The following RNF111 variants were observed in gnomAD, a reference collection of about 807,000 sequenced individuals.
The protein encoded by RNF111 is E3 ubiquitin-protein ligase Arkadia.
A neutral mutation model predicts 95.1 loss-of-function variants in RNF111; 17 were observed. That is an observed-to-expected ratio of 0.18 (90% CI 0.12 to 0.27). The LOEUF (loss-of-function observed/expected upper bound fraction) is 0.27. Among genes scored for constraint, RNF111 ranks in the 10% least tolerant of loss-of-function variants. The pLI is 1.00. For missense variants in RNF111, 1,189 were observed against 1,210.4 expected (o/e 0.98, Z 0.26); for synonymous variants, 440 against 414.8 (o/e 1.06, Z -0.74).
rs143083683 is a variant in RNF111, at chr15:59,031,338, T to C, written c.516T>C (p.Ala172=). Residue 172 remains alanine (A), a synonymous_variant, in exon 2 of 14, where the codon GCT becomes GCC. Coordinates refer to ENST00000348370, the MANE Select transcript of RNF111 (RefSeq NM_017610.8). ...SVRHSQTILN[A]KSRSHSARSH... ...GACATTCCCAGACCATTTTGAATGC[T>C]AAAAGTAGAAGCCATAGTGCACGGT... The C allele has an allele frequency of 4.4e-5, 71 of 1,614,182 alleles. No homozygotes were observed. Among genetic ancestry groups the C allele is most frequent in the Non-Finnish European group, 5.9e-5 (70 of 1,180,004 alleles).
chr15:58,998,936 A>G (rs538068200), intron 1 of RNF111, among the ~76,000 whole-genome samples: 19 of 152,350 alleles, frequency 1.2e-4, no homozygotes. Flanking sequence ...TGGGTGAAAG[A>G]TCTATGTAAA....
Position 59,096,268 on chromosome 15 carries a change from T to C in RNF111, c.*1368T>C, listed in dbSNP as rs1189163742. ...TAGCCTAATTTTATTTGTTTAAATA[T>C]GCTTAATATGCCCCAGATTGCAAAT... On this transcript the variant is annotated 3_prime_UTR_variant, in exon 14 of 14. Transcript: ENST00000348370. The C allele has an allele frequency of 2.6e-6, 1 of 388,478 alleles. No individual in the cohort carries two copies. The highest frequency in any genetic ancestry group is 4.5e-6 in the Non-Finnish European group (1 of 219,940). The allele number at this position is 388,478 out of a possible 1,614,324, so 24.1% of individuals were successfully genotyped here. A position where few individuals can be genotyped will look rare whatever the true frequency, so the allele number is the denominator to read the frequency against.
In RNF111 at chr15:59,096,842, G is replaced by T. The variant is rs1028589626; in HGVS notation, c.*1942G>T. 2 of 152,238 alleles carry T rather than the reference G, an allele frequency of 1.3e-5. No homozygotes were observed. The highest frequency in any genetic ancestry group is 4.8e-5 in the African/African-American group (2 of 41,454). 9.4% of individuals were successfully genotyped at this position (152,238 alleles called of 1,614,324 possible). ...GGGTCTGTGCCAAGGGACTGAAGAAGTGTAAGATGGGGAGAACTGTATGTC... is the reference window on the plus strand; with the variant it reads ...GGGTCTGTGCCAAGGGACTGAAGAATTGTAAGATGGGGAGAACTGTATGTC... On this transcript the variant is annotated 3_prime_UTR_variant, in exon 14 of 14. Transcript: ENST00000348370.
At position 59,006,974 on chromosome 15, in the gene RNF111, A is replaced by G. The variant is rs557690109; in HGVS notation, c.-20+18906A>G. Among the ~76,000 whole-genome samples the G allele has an allele frequency of 7.9e-5, 12 of 152,098 alleles. No individual in the cohort carries two copies. The East Asian group carries it at 2.3e-3, about 29-fold the overall frequency. On this transcript the variant is annotated intron_variant, in intron 1 of 13. Coordinates refer to ENST00000348370, the MANE Select transcript of RNF111 (RefSeq NM_017610.8). ...CTAATTTTTTTGTATTTTTAGTAGA[A>G]ATGGGGTTTCACCATCTTGGCCAGG...
chr15:59,079,733 T>C (rs2078681039), intron 7 of RNF111, among the ~76,000 whole-genome samples: 1 of 152,126 alleles, frequency 6.6e-6, no homozygotes. Context: ...GAGAGATTTT[T>C]CAGCAGTCAC....
chr15:59,018,864 C>A (rs1323396883), intron 1 of RNF111, among the ~76,000 whole-genome samples: 12 of 151,936 alleles, frequency 7.9e-5, no homozygotes, highest in Non-Finnish European at 1.6e-4. Flanking sequence ...AGTTTGAGTT[C>A]AGCTTTTCCC....
intron 1 of RNF111, among the ~76,000 whole-genome samples, chr15:58,993,399 G>T (rs1338352743): frequency 1.3e-5 from 2 of 150,606 alleles, no homozygotes; most frequent in East Asian, 2.0e-4. Flanking sequence ...TTAGCTGGGC[G>T]TGGTGGTGGG....
chr15:59,061,642 T>A (rs76631170), intron 5 of RNF111, among the ~76,000 whole-genome samples: 4,989 of 152,268 alleles, frequency 0.033, 125 homozygotes, highest in African/African-American at 0.073. Flanking sequence ...GTCTCCTAAC[T>A]CCTTCCTTTC....
At position 59,058,386 on chromosome 15, in the gene RNF111, G is replaced by C. The variant is rs1299948396; in HGVS notation, c.1202G>C (p.Arg401Thr). 6 of 1,613,960 alleles carry C rather than the reference G, an allele frequency of 3.7e-6. No homozygotes were observed. Among genetic ancestry groups the C allele is most frequent in the Non-Finnish European group, 3.4e-6 (4 of 1,179,980 alleles). The stretch of plus-strand genomic sequence containing the variant: ...ACTGTAGTACCAACCACTTCTGCAA[G>C]AATGGAATCACAAGCTACTAGCGCT... ...EPTVVPTTSA[R>T]MESQATSASI... Residue 401 changes from arginine to threonine, a missense_variant, in exon 5 of 14, where the codon AGA becomes ACA. Arg to Thr is a moderately conservative substitution (Grantham distance 71). Transcript: ENST00000348370.
intron 1 of RNF111, among the ~76,000 whole-genome samples, chr15:58,991,298 A>C (rs534331220): frequency 2.0e-5 from 3 of 152,258 alleles, no homozygotes; most frequent in Non-Finnish European, 2.9e-5. Flanking sequence ...TTGAAAAAAA[A>C]CAAAACAACA....
intron 1 of RNF111, among the ~76,000 whole-genome samples, chr15:59,016,787 G>T (rs1567213488): frequency 6.6e-6 from 1 of 152,174 alleles, no homozygotes; most frequent in Non-Finnish European, 1.5e-5. Context: ...CAGTAGGTGA[G>T]TGGTGGATGA....
At position 59,088,913 on chromosome 15, in the gene RNF111, T is replaced by A. The variant is rs74017352; in HGVS notation, c.2551-754T>A. On this transcript the variant is annotated intron_variant, in intron 10 of 13. Coordinates refer to ENST00000348370, the MANE Select transcript of RNF111 (RefSeq NM_017610.8). ...AACACTAGACAGCACTTCAGCTCTATGCTTGGGTGCCATTTTAAACAACAC... is the reference window on the plus strand; with the variant it reads ...AACACTAGACAGCACTTCAGCTCTAAGCTTGGGTGCCATTTTAAACAACAC... 7.0e-3 allele frequency among the ~76,000 whole-genome samples: 1,061 copies of A among 152,294 alleles called. 11 individuals carry two copies. The highest frequency in any genetic ancestry group is 0.025 in the African/African-American group (1,019 of 41,566).
intron 2 of RNF111, among the ~76,000 whole-genome samples, chr15:59,043,725 A>G (rs2041577613): frequency 6.6e-6 from 1 of 152,160 alleles, no homozygotes; most frequent in Non-Finnish European, 1.5e-5. Context: ...AAGTAGAGTC[A>G]TTTGCTTATA....
chr15:59,037,895 G>A (rs567847664), intron 2 of RNF111, among the ~76,000 whole-genome samples: 2 of 152,138 alleles, frequency 1.3e-5, no homozygotes, highest in South Asian at 4.1e-4. Context: ...AAACGTAAAT[G>A]TCAAATATGC....
intron 1 of RNF111, among the ~76,000 whole-genome samples, chr15:59,015,376 T>A (rs2040018365): frequency 6.6e-6 from 1 of 152,162 alleles, no homozygotes; most frequent in South Asian, 2.1e-4. Context: ...ACAATAGTAT[T>A]GAAATATTTT....
intron 2 of RNF111, among the ~76,000 whole-genome samples, chr15:59,040,856 T>A (rs2041414042): frequency 6.6e-6 from 1 of 152,230 alleles, no homozygotes; most frequent in African/African-American, 2.4e-5. Context: ...AGGGTTGGCT[T>A]TTTTAAAGAT....
At chr15:59,019,351 A>C (rs1170099984) in intron 1 of RNF111, among the ~76,000 whole-genome samples, 1 of 152,166 alleles carries the variant, frequency 6.6e-6, no homozygotes, top group Admixed American at 6.5e-5. Flanking sequence ...CATTTGAAAA[A>C]ATACAGTGTT....
chr15:59,051,321 G>C (rs1405825354), intron 2 of RNF111, among the ~76,000 whole-genome samples: 2 of 152,048 alleles, frequency 1.3e-5, no homozygotes, highest in Admixed American at 1.3e-4. Context: ...AGCTGGGCCT[G>C]GTGGCAGGTG....
At chr15:59,066,426 C>T (rs2042658397) in intron 5 of RNF111, among the ~76,000 whole-genome samples, 2 of 152,110 alleles carry the variant, frequency 1.3e-5, no homozygotes, top group African/African-American at 4.8e-5. Context: ...GCCTGACCAA[C>T]ATGGAGAAAC....
Sources: allele counts gnomAD v4.1 joint callset (sites outside exome capture counted in the v4.1 genomes callset), GRCh38; gene constraint gnomAD v4.1.1; transcripts MANE v1.5; gene names NCBI Gene and HGNC (gene_info 2026-07-23, HGNC 2026-07-21).